The following C20orf202 variants were observed in gnomAD, a reference collection of about 807,000 sequenced individuals.
C20orf202 encodes uncharacterized protein C20orf202.
In C20orf202, 5 loss-of-function variants were observed where a neutral mutation model predicts 5.3. The ratio of observed to expected loss-of-function variants is 0.94; its 90% CI spans 0.49 to 1.98. C20orf202 has a LOEUF of 1.98. C20orf202 is among the 30% of genes most tolerant of loss of function. C20orf202 has a pLI of 0.01. For missense variants in C20orf202, 135 were observed against 123.5 expected, an observed-to-expected ratio of 1.09 and a Z score of -0.44; for synonymous variants, 48 against 50.0, an observed-to-expected ratio of 0.96 and a Z score of 0.16.
At position 1,203,500 on chromosome 20, in the gene C20orf202, C is replaced by T. The variant is rs201462349; in HGVS notation, c.-86C>T. On this transcript the variant is annotated 5_prime_UTR_variant, in exon 1 of 2. Coordinates refer to ENST00000400633, the MANE Select transcript of C20orf202 (RefSeq NM_001394958.1). ...GATTTGGCCAGAACCTGCTGCCAGT[C>T]TGAAAGAGTTGGGGGAATGTACAAG... The T allele has an allele frequency of 6.1e-4, 929 of 1,533,722 alleles. No individual in the cohort carries two copies. The highest frequency in any genetic ancestry group is 7.5e-4 in the Non-Finnish European group (856 of 1,138,362).
rs773799482 is a variant in C20orf202, at chr20:1,209,036, C to T, written c.*1934C>T. Among the ~76,000 whole-genome samples, 2 of 152,168 alleles carry T rather than the reference C, an allele frequency of 1.3e-5. No individual in the cohort carries two copies. Among genetic ancestry groups the T allele is most frequent in the Non-Finnish European group, 2.9e-5 (2 of 68,020 alleles). On this transcript the variant is annotated 3_prime_UTR_variant, in exon 2 of 2. Coordinates refer to ENST00000400633, the MANE Select transcript of C20orf202 (RefSeq NM_001394958.1). This position sits in a 1 kb window ranked among gnomAD's most constrained non-coding sequence, Gnocchi z 4.0. ...CAGTCACCCAGTTAACAACTTTATA[C>T]CTAGTTAGCAATTCTTTATATTAAA...
At chr20:1,205,017 A>G (rs1465435495) in intron 1 of C20orf202, among the ~76,000 whole-genome samples, 2 of 152,150 alleles carry the variant, frequency 1.3e-5, no homozygotes, top group African/African-American at 4.8e-5. Flanking sequence ...AGGAATTAGG[A>G]AAAAATGGGC....
Position 1,203,611 on chromosome 20 carries a change from C to A in C20orf202, c.26C>A (p.Pro9Gln). Residue 9 changes from proline (P) to glutamine (Q), a missense_variant, in exon 1 of 2, where the codon CCG becomes CAG. Transcript: ENST00000400633. Reference sequence around the variant, plus strand: ...ATGAAAATAGCAGAAGAGCCCAGCCCGAGTCTTGGGCAGACCTTGGAGTGG... The same window carrying A: ...ATGAAAATAGCAGAAGAGCCCAGCCAGAGTCTTGGGCAGACCTTGGAGTGG... MKIAEEPS[P>Q]SLGQTLEWLR... 1 of 1,551,432 alleles carries A rather than the reference C, an allele frequency of 6.4e-7. No individual in the cohort carries two copies. The highest frequency in any genetic ancestry group is 8.7e-7 in the Non-Finnish European group (1 of 1,146,880).
Position 1,203,530 on chromosome 20 carries a change from A to T in C20orf202, c.-56A>T. On this transcript the variant is annotated 5_prime_UTR_variant, in exon 1 of 2. In the 5' UTR this introduces an upstream ATG that the reference lacks. Transcript: ENST00000400633. ...AGAGTTGGGGGAATGTACAAGTCAA[A>T]GATCCCTCGGGCCCAGAACCAGGTC... The T allele has an allele frequency of 6.5e-7, 1 of 1,548,974 alleles. No homozygotes were observed. The highest frequency in any genetic ancestry group is 8.7e-7 in the Non-Finnish European group (1 of 1,145,918).
Position 1,203,558 on chromosome 20 carries a change from T to C in C20orf202, c.-28T>C, listed in dbSNP as rs1216037635. 3 of 1,551,444 alleles carry C rather than the reference T, an allele frequency of 1.9e-6. No homozygotes were observed. Among genetic ancestry groups the C allele is most frequent in the Non-Finnish European group, 2.6e-6 (3 of 1,146,934 alleles). The stretch of plus-strand genomic sequence containing the variant: ...TCCCTCGGGCCCAGAACCAGGTCAG[T>C]GTCAAGGTCACTCCTAAGAACACTG... On this transcript the variant is annotated 5_prime_UTR_variant, in exon 1 of 2. Coordinates refer to ENST00000400633, the MANE Select transcript of C20orf202 (RefSeq NM_001394958.1).
In C20orf202 at chr20:1,209,063, T is replaced by A. The variant is rs912422155; in HGVS notation, c.*1961T>A. On this transcript the variant is annotated 3_prime_UTR_variant, in exon 2 of 2. Transcript: ENST00000400633. This position sits in a 1 kb window ranked among gnomAD's most constrained non-coding sequence, Gnocchi z 4.0. ...TAGTTAGCAATTCTTTATATTAAAT[T>A]TTCTGTGTTAAAATAACTGGTGTGG... Among the ~76,000 whole-genome samples the A allele has an allele frequency of 6.6e-6, 1 of 152,156 alleles. No homozygotes were observed. Among genetic ancestry groups the A allele is most frequent in the Non-Finnish European group, 1.5e-5 (1 of 68,008 alleles).
In C20orf202 at chr20:1,207,638, T is replaced by A. The variant is rs984789598; in HGVS notation, c.*536T>A. 6.6e-6 allele frequency: 1 copy of A among 152,246 alleles called. No individual in the cohort carries two copies. Among genetic ancestry groups the A allele is most frequent in the Non-Finnish European group, 1.5e-5 (1 of 68,074 alleles). The allele number at this position is 152,246 out of a possible 1,614,324, so 9.4% of individuals were successfully genotyped here. Reference sequence around the variant, plus strand: ...GCCTGGCCAATGATATAATTCATGGTTGCCCTAAAAAGATGATTGGCCCAA... The same window carrying A: ...GCCTGGCCAATGATATAATTCATGGATGCCCTAAAAAGATGATTGGCCCAA... On this transcript the variant is annotated 3_prime_UTR_variant, in exon 2 of 2. Transcript: ENST00000400633.
intron 1 of C20orf202, among the ~76,000 whole-genome samples, chr20:1,205,386 G>C (rs1321240555): frequency 6.6e-6 from 1 of 152,170 alleles, no homozygotes; most frequent in Admixed American, 6.5e-5. Context: ...GGGATTACAG[G>C]TGGGAGCCAC....
intron 1 of C20orf202, among the ~76,000 whole-genome samples, chr20:1,204,632 G>C (rs2087124324): frequency 6.6e-6 from 1 of 152,234 alleles, no homozygotes; most frequent in Non-Finnish European, 1.5e-5. Context: ...CCTCAGAAGA[G>C]GTTTGTTTCT....
intron 1 of C20orf202, among the ~76,000 whole-genome samples, chr20:1,204,017 G>C (rs2087121638): frequency 6.6e-6 from 1 of 152,124 alleles, no homozygotes; most frequent in African/African-American, 2.4e-5. Flanking sequence ...GGTATTGTAA[G>C]GATTCACTGA....
Position 1,207,131 on chromosome 20 carries a change from A to T in C20orf202, c.*29A>T. ...GACGGAGATGACACTGGGCTTTAACACTCTCCCCATTAGTCTAACCTTTCA... is the reference window on the plus strand; with the variant it reads ...GACGGAGATGACACTGGGCTTTAACTCTCTCCCCATTAGTCTAACCTTTCA... On this transcript the variant is annotated 3_prime_UTR_variant, in exon 2 of 2. Transcript: ENST00000400633. 7.3e-7 allele frequency: 1 copy of T among 1,367,982 alleles called. No individual in the cohort carries two copies. Among genetic ancestry groups the T allele is most frequent in the African/African-American group, 1.5e-5 (1 of 68,412 alleles). The allele number at this position is 1,367,982 out of a possible 1,614,324, so 84.7% of individuals were successfully genotyped here. A position where few individuals can be genotyped will look rare whatever the true frequency, so the allele number is the denominator to read the frequency against.
chr20:1,203,730 C>G (rs1278528841), intron 1 of C20orf202, 79 bp downstream of exon 1: 7 of 1,460,964 alleles, frequency 4.8e-6, no homozygotes, highest in Non-Finnish European at 6.4e-6. Flanking sequence ...CCCGGGTCCC[C>G]CCTGGGGCAG....
At chr20:1,203,946 T>C (rs2087121347) in intron 1 of C20orf202, among the ~76,000 whole-genome samples, 1 of 152,150 alleles carries the variant, frequency 6.6e-6, no homozygotes, top group Admixed American at 6.5e-5. Context: ...GGGATTTATC[T>C]CTTTGAGCCT....
intron 1 of C20orf202, among the ~76,000 whole-genome samples, chr20:1,206,097 A>G (rs1242162817): frequency 1.3e-5 from 2 of 152,098 alleles, no homozygotes; most frequent in Non-Finnish European, 2.9e-5. Context: ...AAAGAGAGAA[A>G]ATGTATGGGA....
rs2087134927 is a variant in C20orf202 at position 1,207,015 on chromosome 20, C to T, written c.213C>T (p.Ser71=). The change falls in exon 2 of 2, where the codon TCC becomes TCT. Residue 71 remains serine (S), a synonymous_variant. Coordinates refer to ENST00000400633, the MANE Select transcript of C20orf202 (RefSeq NM_001394958.1). ...GTSPIRARAG[S]EGRGCQPVCS... is the part of the protein sequence containing the mutation. ...CCCCCATCAGAGCTCGAGCGGGCTC[C>T]GAAGGCAGGGGCTGCCAGCCGGTTT... The T allele has an allele frequency of 8.4e-6, 13 of 1,550,756 alleles. No homozygotes were observed. Among genetic ancestry groups the T allele is most frequent in the South Asian group, 1.2e-5 (1 of 83,968 alleles).
chr20:1,207,144 G>A lies in C20orf202; in HGVS notation c.*42G>A, dbSNP rs2087136045. The A allele has an allele frequency of 7.7e-7, 1 of 1,294,922 alleles. No homozygotes were observed. The highest frequency in any genetic ancestry group is 1.5e-5 in the African/African-American group (1 of 67,336). The allele number at this position is 1,294,922 out of a possible 1,614,324, so 80.2% of individuals were successfully genotyped here. A position where few individuals can be genotyped will look rare whatever the true frequency, so the allele number is the denominator to read the frequency against. On this transcript the variant is annotated 3_prime_UTR_variant, in exon 2 of 2. Transcript: ENST00000400633. ...CTGGGCTTTAACACTCTCCCCATTA[G>A]TCTAACCTTTCACTGTGATATTTCA...
chr20:1,203,978 G>A (rs2087121443), intron 1 of C20orf202, among the ~76,000 whole-genome samples: 1 of 152,050 alleles, frequency 6.6e-6, no homozygotes, highest in African/African-American at 2.4e-5. Context: ...TCACAAAATG[G>A]GAATAACAAT....
chr20:1,203,607 A>ATGGG lies in C20orf202; in HGVS notation c.22_23insTGGG (p.Ser8MetfsTer18). 6.4e-7 allele frequency: 1 copy of ATGGG among 1,551,620 alleles called. No homozygotes were observed. The highest frequency in any genetic ancestry group is 8.7e-7 in the Non-Finnish European group (1 of 1,146,956). ...TGAGATGAAAATAGCAGAAGAGCCC[A>ATGGG]GCCCGAGTCTTGGGCAGACCTTGGA... On this transcript the variant is annotated frameshift_variant, in exon 1 of 2. Coordinates refer to ENST00000400633, the MANE Select transcript of C20orf202 (RefSeq NM_001394958.1). LOFTEE classifies it high-confidence loss of function.
In C20orf202 at chr20:1,207,405, T is replaced by A. The variant is rs1454462339; in HGVS notation, c.*303T>A. 1 of 265,828 alleles carries A rather than the reference T, an allele frequency of 3.8e-6. No individual in the cohort carries two copies. 16.5% of individuals were successfully genotyped at this position (265,828 alleles called of 1,614,324 possible). A position where few individuals can be genotyped will look rare whatever the true frequency, so the allele number is the denominator to read the frequency against. On this transcript the variant is annotated 3_prime_UTR_variant, in exon 2 of 2. Coordinates refer to ENST00000400633, the MANE Select transcript of C20orf202 (RefSeq NM_001394958.1). ...AAGCACCATGGCAGTAACCCTATCC[T>A]TGGGAATTTTTCACAAGGCAATTGT...
Sources: gnomAD v4.1 joint callset for allele counts (sites outside exome capture counted in the v4.1 genomes callset) on GRCh38, gnomAD v4.1.1 for gene constraint, Gnocchi (gnomAD v3.1) non-coding constraint, MANE v1.5 for transcripts, NCBI Gene and HGNC (gene_info 2026-07-23, HGNC 2026-07-21) for gene names.